MYH14: variants seen among roughly 807,000 people sequenced by gnomAD.
MYH14 encodes the protein myosin heavy chain 14.
Under a neutral mutation model 255.5 loss-of-function variants are expected in MYH14, and 123 were observed. The ratio of observed to expected loss-of-function variants is 0.48; its 90% CI spans 0.42 to 0.56. The LOEUF (loss-of-function observed/expected upper bound fraction) is 0.56. MYH14 is among the 20% of genes least tolerant of loss of function. MYH14 has a pLI of 0.00. For missense variants in MYH14, 2,423 were observed against 2,802.3 expected, an observed-to-expected ratio of 0.86 and a Z score of 3.06; for synonymous variants, 1,095 against 1,161.2, an observed-to-expected ratio of 0.94 and a Z score of 1.16.
intron 40 of MYH14, among the ~76,000 whole-genome samples, chr19:50,304,599 A>G (rs2036596521): frequency 1.3e-5 from 2 of 152,158 alleles, no homozygotes; most frequent in Admixed American, 1.3e-4. Context: ...CCAAAAAAAG[A>G]GGAGTGTACT....
intron 16 of MYH14, 139 bp from the exon 17 acceptor site, chr19:50,255,081 C>T: frequency 1.5e-6 from 1 of 655,846 alleles, no homozygotes; most frequent in Non-Finnish European, 2.8e-6. Context: ...TCTTGCTTTG[C>T]TCTGTACTGT....
chr19:50,206,161 C>G (rs577386915), intron 1 of MYH14, among the ~76,000 whole-genome samples: 2 of 151,302 alleles, frequency 1.3e-5, no homozygotes, highest in African/African-American at 4.9e-5. Context: ...ATCCTCACCT[C>G]TAGCCCGGCT....
chr19:50,213,688 C>T (rs534658382), intron 2 of MYH14, among the ~76,000 whole-genome samples: 1 of 152,218 alleles, frequency 6.6e-6, no homozygotes, highest in Non-Finnish European at 1.5e-5. Flanking sequence ...ACCCCCTCCC[C>T]ATCCACATAA....
At chr19:50,232,641 G>A (rs2033463517) in intron 10 of MYH14, among the ~76,000 whole-genome samples, 1 of 148,086 alleles carries the variant, frequency 6.8e-6, no homozygotes, top group African/African-American at 2.5e-5. Flanking sequence ...GTGCCATGGA[G>A]AAAGATGGGG....
intron 10 of MYH14, among the ~76,000 whole-genome samples, chr19:50,235,757 C>A (rs1443705468): frequency 2.6e-5 from 4 of 152,000 alleles, no homozygotes; most frequent in African/African-American, 9.7e-5. Context: ...GTACTCCAGG[C>A]TGGTGATAGA....
At chr19:50,302,019 T>G (rs2036499145) in intron 40 of MYH14, 150 bp downstream of exon 40, 1 of 679,744 alleles carries the variant, frequency 1.5e-6, no homozygotes, top group Non-Finnish European at 2.4e-6. Context: ...GGCTCACGCC[T>G]GTAATCCCAG....
rs1053449515 is a variant in MYH14 at position 50,286,822 on chromosome 19, C to T, written c.4752+128C>T. The T allele has an allele frequency of 3.1e-6, 3 of 966,884 alleles. No individual in the cohort carries two copies. In the African/African-American group the frequency reaches 4.8e-5, roughly 16 times the overall value. The allele number at this position is 966,884 out of a possible 1,614,324, so 59.9% of individuals were successfully genotyped here. Reference sequence around the variant, plus strand: ...GTCATATGTTCATGCACAAAGAGAACAAGAGGGCTGGGCATGGTGGCTCAC... The same window carrying T: ...GTCATATGTTCATGCACAAAGAGAATAAGAGGGCTGGGCATGGTGGCTCAC... On this transcript the variant is annotated intron_variant, in intron 34 of 42. Coordinates refer to ENST00000642316, the MANE Select transcript of MYH14 (RefSeq NM_001145809.2).
intron 1 of MYH14, 150 bp from the exon 2 acceptor site, chr19:50,210,213 A>G (rs892542298): frequency 3.3e-6 from 2 of 599,514 alleles, no homozygotes; most frequent in Non-Finnish European, 5.5e-6. Context: ...GAAATGAGTA[A>G]GCTGGGTCTG....
rs933090372 is a variant in MYH14 at position 50,249,676 on chromosome 19, C to T, written c.1509C>T (p.Ile503=). 3.7e-6 allele frequency: 6 copies of T among 1,614,102 alleles called. No individual in the cohort carries two copies. Among genetic ancestry groups the T allele is most frequent in the Non-Finnish European group, 5.1e-6 (6 of 1,180,052 alleles). The change falls in exon 14 of 43, where the codon ATC becomes ATT. Residue 503 remains isoleucine (I), a synonymous_variant. Transcript: ENST00000642316. ...FQLNSFEQLC[I]NYTNEKLQQL... ...TGAACTCCTTCGAGCAGCTCTGCAT[C>T]AACTACACCAACGAGAAGCTGCAGC...
chr19:50,245,580 T>C (rs1230393006), intron 11 of MYH14, among the ~76,000 whole-genome samples: 1 of 152,194 alleles, frequency 6.6e-6, no homozygotes, highest in Non-Finnish European at 1.5e-5. Flanking sequence ...ACTGTGGATA[T>C]AGAGTGTCAC....
rs774376084 is a variant in MYH14 at position 50,266,926 on chromosome 19, G to C, written c.2744G>C (p.Arg915Pro). 6.4e-7 allele frequency: 1 copy of C among 1,553,408 alleles called. No individual in the cohort carries two copies. The highest frequency in any genetic ancestry group is 8.7e-7 in the Non-Finnish European group (1 of 1,148,004). ...VTRQDEVLQA[R>P]AQELQKVQEL... Reference sequence around the variant, plus strand: ...CGGCAGGATGAGGTGCTGCAGGCACGGGCCCAGGAGCTGCAGAAAGTGCAG... The same window carrying C: ...CGGCAGGATGAGGTGCTGCAGGCACCGGCCCAGGAGCTGCAGAAAGTGCAG... Residue 915 changes from arginine (R) to proline (P), a missense_variant, in exon 23 of 43, where the codon CGG (arginine) becomes CCG (proline). Coordinates refer to ENST00000642316, the MANE Select transcript of MYH14 (RefSeq NM_001145809.2). This position sits in a 1 kb window ranked among gnomAD's most constrained non-coding sequence, Gnocchi z 4.1.
intron 2 of MYH14, among the ~76,000 whole-genome samples, chr19:50,211,206 T>G (rs546895890): frequency 1.3e-5 from 2 of 152,236 alleles, no homozygotes; most frequent in African/African-American, 4.8e-5. Flanking sequence ...TGGTGGCCCG[T>G]GCCTTTAGTC....
intron 40 of MYH14, among the ~76,000 whole-genome samples, chr19:50,306,766 C>CTTTG (rs2036666564): frequency 6.6e-6 from 1 of 152,142 alleles, no homozygotes; most frequent in Non-Finnish European, 1.5e-5. Flanking sequence ...AAATGATCCT[C>CTTTG]TTTGGAAACT....
intron 24 of MYH14, among the ~76,000 whole-genome samples, chr19:50,271,113 C>A (rs888022735): frequency 6.6e-6 from 1 of 152,094 alleles, no homozygotes; most frequent in African/African-American, 2.4e-5. Context: ...GTTACCCAGA[C>A]TTCAGTGCAG....
At chr19:50,219,527 G>T (rs976929104) in intron 3 of MYH14, among the ~76,000 whole-genome samples, 1 of 152,162 alleles carries the variant, frequency 6.6e-6, no homozygotes, top group Non-Finnish European at 1.5e-5. Context: ...AACAATATTG[G>T]TTGGGTGTGG....
At position 50,293,310 on chromosome 19, in the gene MYH14, T is replaced by C. The variant is rs115844649; in HGVS notation, c.5334T>C (p.Gly1778=). 1.7e-3 allele frequency: 2,657 copies of C among 1,605,158 alleles called. 33 individuals carry two copies. The African/African-American group carries it at 0.028, about 17-fold the overall frequency. ...RDEMADEVAN[G]NLSKAAILEE... is the part of the protein sequence containing the mutation. ...AGATGGCAGATGAGGTGGCCAATGG[T>C]AACCTTAGCAAGTAAGTGCCCCAAG... The change falls in exon 38 of 43, where the codon GGT becomes GGC. Residue 1778 remains glycine (G), a synonymous_variant. Transcript: ENST00000642316. The surrounding 1 kb of genome is among the most constrained non-coding windows in gnomAD (Gnocchi z 4.1).
At chr19:50,215,963 A>G (rs73582361) in intron 2 of MYH14, among the ~76,000 whole-genome samples, 3,326 of 152,314 alleles carry the variant, frequency 0.022, 98 homozygotes, top group African/African-American at 0.076. Context: ...TTCAAAGTCA[A>G]GCGACAAGCC....
intron 40 of MYH14, among the ~76,000 whole-genome samples, chr19:50,306,295 C>G (rs966942199): frequency 6.6e-6 from 1 of 152,154 alleles, no homozygotes; most frequent in Non-Finnish European, 1.5e-5. Flanking sequence ...AAAAAGAAGT[C>G]TCTCTCCTTC....
In MYH14 at chr19:50,210,658, G is replaced by C. The variant is rs370947453; in HGVS notation, c.293G>C (p.Arg98Pro). Reference protein sequence around the residue: ...RLRLPRDQIQRMNPPKFSKAE... With the variant: ...RLRLPRDQIQPMNPPKFSKAE... ...CGACTGCCGCGGGACCAGATCCAGC[G>C]CATGAACCCGCCCAAGTTCAGCAAG... is the stretch of plus-strand genomic sequence containing the variant. Residue 98 changes from arginine to proline, a missense_variant, in exon 2 of 43, where the codon CGC (arginine) becomes CCC (proline). By Grantham distance (103) the Arg-to-Pro change is moderately radical (BLOSUM62 -2). This residue lies in a region of MYH14 where 238 missense variants were observed against 245.8 expected (regional missense o/e 0.97). Transcript: ENST00000642316. The C allele has an allele frequency of 1.3e-6, 2 of 1,570,496 alleles. No homozygotes were observed. The highest frequency in any genetic ancestry group is 1.7e-6 in the Non-Finnish European group (2 of 1,159,426).
Sources: gnomAD v4.1 joint callset for allele counts (sites outside exome capture counted in the v4.1 genomes callset) on GRCh38, gnomAD v4.1.1 for gene constraint, gnomAD v4.1.1 regional missense constraint, Gnocchi (gnomAD v3.1) non-coding constraint, MANE v1.5 for transcripts, NCBI Gene and HGNC (gene_info 2026-07-23, HGNC 2026-07-21) for gene names.